DCC: variants seen among roughly 807,000 people sequenced by gnomAD.
DCC encodes DCC netrin 1 receptor, also known as netrin receptor DCC.
Under a neutral mutation model 172.5 loss-of-function variants are expected in DCC, and 58 were observed. That is an observed-to-expected ratio of 0.34 (90% confidence interval 0.27 to 0.42). DCC has a LOEUF of 0.42. DCC is among the 10% of genes least tolerant of loss of function. The probability of loss-of-function intolerance (pLI) is 1.00; values close to 1 mark genes in which losing one functional copy is unlikely to be tolerated. For synonymous variants in DCC, 709 were observed against 644.5 expected (o/e 1.10, Z -1.52); for missense variants, 1,740 against 1,791.0 (o/e 0.97, Z 0.51).
At chr18:53,059,499 C>T (rs2042463705) in intron 5 of DCC, among the ~76,000 whole-genome samples, 1 of 152,092 alleles carries the variant, frequency 6.6e-6, no homozygotes, top group African/African-American at 2.4e-5. Flanking sequence ...AATTCCTAAT[C>T]CAACCCAAGC....
chr18:52,858,369 G>A (rs1296564509), intron 2 of DCC, among the ~76,000 whole-genome samples: 1 of 152,312 alleles, frequency 6.6e-6, no homozygotes, highest in Middle Eastern at 3.4e-3. Context: ...ATCGAGAGGA[G>A]AAAGCATTTC....
At chr18:53,327,531 C>G (rs1568058959) in intron 14 of DCC, among the ~76,000 whole-genome samples, 1 of 151,866 alleles carries the variant, frequency 6.6e-6, no homozygotes, top group Non-Finnish European at 1.5e-5. Context: ...GACTCTCTAC[C>G]CTGAAGTGGA....
At chr18:52,440,648 A>C (rs1315838057) in intron 1 of DCC, among the ~76,000 whole-genome samples, 1 of 152,200 alleles carries the variant, frequency 6.6e-6, no homozygotes, top group Non-Finnish European at 1.5e-5. Context: ...AAAAAATAGC[A>C]TGTGGTCTCT....
chr18:53,197,019 A>T (rs2055454007), intron 9 of DCC, among the ~76,000 whole-genome samples: 4 of 152,136 alleles, frequency 2.6e-5, no homozygotes, highest in Admixed American at 2.6e-4. Flanking sequence ...GAATAGAAAC[A>T]GATTTCATAG....
At chr18:53,247,508 A>G (rs1320255922) in intron 12 of DCC, among the ~76,000 whole-genome samples, 2 of 152,044 alleles carry the variant, frequency 1.3e-5, no homozygotes, top group African/African-American at 4.8e-5. Flanking sequence ...AGCATAGGAG[A>G]GTCTCTAGCA....
At position 52,504,611 on chromosome 18, in the gene DCC, A is replaced by C. The variant is rs17828209; in HGVS notation, c.91+163733A>C. Among the ~76,000 whole-genome samples the C allele has an allele frequency of 4.0e-3, 602 of 152,230 alleles. 24 individuals are homozygous for C. The East Asian group carries it at 0.086, about 22-fold the overall frequency. On this transcript the variant is annotated intron_variant, in intron 1 of 28. Transcript: ENST00000442544. ...CCAGCTTGGGGTGACTGTATTTTAT[A>C]GGTCAAAATCTATTGGAAGATAGAG...
intron 1 of DCC, among the ~76,000 whole-genome samples, chr18:52,578,541 C>G (rs1395775827): frequency 6.6e-6 from 1 of 152,156 alleles, no homozygotes; most frequent in Non-Finnish European, 1.5e-5. Flanking sequence ...TCTGAGTATC[C>G]ATGATGTCCA....
intron 12 of DCC, among the ~76,000 whole-genome samples, chr18:53,281,461 C>T (rs938329227): frequency 6.6e-6 from 1 of 152,108 alleles, no homozygotes; most frequent in Non-Finnish European, 1.5e-5. Context: ...CTGAGAACTA[C>T]AGAAGATAAA....
intron 1 of DCC, among the ~76,000 whole-genome samples, chr18:52,587,844 A>G (rs2144790354): frequency 6.6e-6 from 1 of 152,296 alleles, no homozygotes; most frequent in East Asian, 1.9e-4. Flanking sequence ...GGAACTCCCC[A>G]TGAGGCCATT....
chr18:53,390,305 C>G (rs994767002), intron 16 of DCC, among the ~76,000 whole-genome samples: 1 of 151,356 alleles, frequency 6.6e-6, no homozygotes, highest in Admixed American at 6.6e-5. Flanking sequence ...ATATTTTGCT[C>G]CAAAGACCAC....
intron 1 of DCC, among the ~76,000 whole-genome samples, chr18:52,732,263 G>A (rs1389667254): frequency 1.3e-5 from 2 of 152,166 alleles, no homozygotes; most frequent in East Asian, 1.9e-4. Flanking sequence ...CAGCCAGGAA[G>A]GGCAGGCTTG....
chr18:52,423,936 C>T (rs1271306402), intron 1 of DCC, among the ~76,000 whole-genome samples: 1 of 152,062 alleles, frequency 6.6e-6, no homozygotes, highest in African/African-American at 2.4e-5. Context: ...TTCCAAGACC[C>T]TTTCGCTTCC....
At chr18:53,389,022 A>T (rs1908369676) in intron 16 of DCC, among the ~76,000 whole-genome samples, 1 of 152,106 alleles carries the variant, frequency 6.6e-6, no homozygotes, top group Non-Finnish European at 1.5e-5. Flanking sequence ...AGCCTCAAAC[A>T]ATCCTTCTGC....
Position 53,111,255 on chromosome 18 carries a change from G to T in DCC, c.1261+45089G>T, listed in dbSNP as rs1473775538. On this transcript the variant is annotated intron_variant, in intron 7 of 28. Transcript: ENST00000442544. ...CACACTCTGGGGACTGTTGTGGGGT[G>T]GGGGGAGGGGGGAGGGATAGCATTA... Among the ~76,000 whole-genome samples, 9 of 102,648 alleles carry T rather than the reference G, an allele frequency of 8.8e-5. No homozygotes were observed. In the East Asian group the frequency reaches 2.6e-3, roughly 30 times the overall value. 67.3% of individuals were successfully genotyped at this position (102,648 alleles called of 152,430 possible). A position where few individuals can be genotyped will look rare whatever the true frequency, so the allele number is the denominator to read the frequency against.
At chr18:53,435,952 A>G (rs528248639) in intron 22 of DCC, among the ~76,000 whole-genome samples, 2 of 152,282 alleles carry the variant, frequency 1.3e-5, no homozygotes, top group South Asian at 4.1e-4. Context: ...CTTTTTCATT[A>G]TTGCTGTTGT....
intron 5 of DCC, among the ~76,000 whole-genome samples, chr18:52,976,535 G>A (rs751497613): frequency 2.6e-5 from 4 of 152,164 alleles, no homozygotes; most frequent in Non-Finnish European, 5.9e-5. Context: ...CATATATGAG[G>A]TTAAGACTTC....
Position 52,985,280 on chromosome 18 carries a change from G to GA in DCC, c.985+59916dup, listed in dbSNP as rs377318887. Reference sequence around the variant, plus strand: ...TAAGCAATGTTTCAGAAAGGTATTTGAAAAAATGTTTGAGTCCTTGTAAAT... The same window carrying GA: ...TAAGCAATGTTTCAGAAAGGTATTTGAAAAAAATGTTTGAGTCCTTGTAAAT... On this transcript the variant is annotated intron_variant, in intron 5 of 28. Coordinates refer to ENST00000442544, the MANE Select transcript of DCC (RefSeq NM_005215.4). 2.1e-3 allele frequency among the ~76,000 whole-genome samples: 319 copies of GA among 151,886 alleles called. 2 individuals are homozygous for GA. The highest frequency in any genetic ancestry group is 7.4e-3 in the African/African-American group (307 of 41,460).
chr18:53,450,434 G>A (rs1157095285), intron 22 of DCC, 66 bp from the exon 23 acceptor site: 1 of 1,576,982 alleles, frequency 6.3e-7, no homozygotes, highest in African/African-American at 1.4e-5. Context: ...TATATCCCAA[G>A]AGAGCTTGGT....
chr18:53,008,437 A>T (rs754429629), intron 5 of DCC, among the ~76,000 whole-genome samples: 5 of 152,034 alleles, frequency 3.3e-5, no homozygotes, highest in African/African-American at 1.2e-4. Flanking sequence ...GGTAGAATTT[A>T]TCTGTTTTCA....
Sources: allele counts gnomAD v4.1 joint callset (sites outside exome capture counted in the v4.1 genomes callset), GRCh38; gene constraint gnomAD v4.1.1; transcripts MANE v1.5; gene names NCBI Gene and HGNC (gene_info 2026-07-23, HGNC 2026-07-21).